The following NADK2 variants were observed in gnomAD, a reference collection of about 807,000 sequenced individuals.
NADK2 encodes the protein NAD kinase 2, mitochondrial, also known as NAD kinase domain-containing protein 1, mitochondrial.
A neutral mutation model predicts 62.1 loss-of-function variants in NADK2; 35 were observed. The ratio of observed to expected loss-of-function variants is 0.56; its 90% CI spans 0.43 to 0.75. The LOEUF (loss-of-function observed/expected upper bound fraction) is 0.75. Among genes scored for constraint, NADK2 ranks in the 30% least tolerant of loss-of-function variants. NADK2 has a pLI of 0.00. For synonymous variants in NADK2, 205 were observed against 207.9 expected (o/e 0.99, Z 0.12); for missense variants, 439 against 561.3 (o/e 0.78, Z 2.20).
chr5:36,228,519 G>A (rs1012834745), intron 1 of NADK2, among the ~76,000 whole-genome samples: 1 of 151,696 alleles, frequency 6.6e-6, no homozygotes, highest in Non-Finnish European at 1.5e-5. Flanking sequence ...TCCTGCCTCC[G>A]TTTACCAAGT....
rs1307451732 is a variant in NADK2 at position 36,223,542 on chromosome 5, C to T, written c.560+2000G>A. Among the ~76,000 whole-genome samples the T allele has an allele frequency of 9.9e-5, 15 of 152,186 alleles. 1 individual carries two copies. In the East Asian group the frequency reaches 2.9e-3, roughly 29 times the overall value. The stretch of plus-strand genomic sequence containing the variant: ...AGAAATACAGACAAAGAAGTAGTCA[C>T]AGAGATAGGAAGAAAAAGGTATCAT... On this transcript the variant is annotated intron_variant, in intron 4 of 11. Coordinates refer to ENST00000381937, the MANE Select transcript of NADK2 (RefSeq NM_001085411.3).
intron 6 of NADK2, among the ~76,000 whole-genome samples, chr5:36,214,936 CTTTA>C (rs577776928): frequency 4.1e-4 from 62 of 152,264 alleles, no homozygotes; most frequent in South Asian, 1.5e-3. Context: ...TAAAACCAGT[CTTTA>C]TTTATATAGC....
At position 36,216,262 on chromosome 5, in the gene NADK2, C is replaced by G. The variant is rs75246176; in HGVS notation, c.781+1486G>C. Among the ~76,000 whole-genome samples, 1,834 of 151,964 alleles carry G rather than the reference C, an allele frequency of 0.012. 147 individuals carry two copies. In the East Asian group the frequency reaches 0.21, roughly 17 times the overall value. On this transcript the variant is annotated intron_variant, in intron 6 of 11. Transcript: ENST00000381937. ...TGAGAAACTTCTATTCAGAGACTTTCCCACTTTTTAATGAGATTATTTGTT... is the reference window on the plus strand; with the variant it reads ...TGAGAAACTTCTATTCAGAGACTTTGCCACTTTTTAATGAGATTATTTGTT...
At chr5:36,212,285 TGGATTTA>T (rs1746878781) in intron 6 of NADK2, 1 of 156,102 alleles carries the variant, frequency 6.4e-6, no homozygotes, top group Non-Finnish European at 1.4e-5. Context: ...AGAACTATTT[TGGATTTA>T]AGCAGCAAAT....
In NADK2 at chr5:36,241,306, T is replaced by C; in HGVS notation, c.300+193A>G. On this transcript the variant is annotated intron_variant, in intron 1 of 11. Transcript: ENST00000381937. The surrounding 1 kb of genome is among the most constrained non-coding windows in gnomAD (Gnocchi z 4.9). ...CTCCCCCTCTCCCCGGCCCTGCCTC[T>C]CCCTCGCACACACGCCCAAAGGCAA... The C allele has an allele frequency of 8.9e-7, 1 of 1,126,852 alleles. No homozygotes were observed. The highest frequency in any genetic ancestry group is 1.2e-6 in the Non-Finnish European group (1 of 864,598). 69.8% of individuals were successfully genotyped at this position (1,126,852 alleles called of 1,614,324 possible).
At position 36,194,385 on chromosome 5, in the gene NADK2, T is replaced by C. The variant is rs752897665; in HGVS notation, c.*759A>G. ...AATCCATGTTTGAGCATTTTAAAGATGGAAGAAACCTGTAAGACTCATATC... is the reference window on the plus strand; with the variant it reads ...AATCCATGTTTGAGCATTTTAAAGACGGAAGAAACCTGTAAGACTCATATC... On this transcript the variant is annotated 3_prime_UTR_variant, in exon 12 of 12. Coordinates refer to ENST00000381937, the MANE Select transcript of NADK2 (RefSeq NM_001085411.3). The C allele has an allele frequency of 6.6e-6, 1 of 152,168 alleles. No individual in the cohort carries two copies. The highest frequency in any genetic ancestry group is 6.5e-5 in the Admixed American group (1 of 15,274). The allele number at this position is 152,168 out of a possible 1,614,324, so 9.4% of individuals were successfully genotyped here. A position where few individuals can be genotyped will look rare whatever the true frequency, so the allele number is the denominator to read the frequency against.
At chr5:36,204,610 A>G (rs892299043) in intron 8 of NADK2, among the ~76,000 whole-genome samples, 36 of 152,138 alleles carry the variant, frequency 2.4e-4, no homozygotes, top group African/African-American at 8.7e-4. Context: ...ATAACATATT[A>G]AAGGATTAAG....
chr5:36,229,756 G>A (rs1199913650), intron 1 of NADK2, among the ~76,000 whole-genome samples: 2 of 150,432 alleles, frequency 1.3e-5, no homozygotes, highest in African/African-American at 4.9e-5. Flanking sequence ...TATCTAACAG[G>A]CACCTCAAAT....
chr5:36,235,327 A>G (rs562139195), intron 1 of NADK2, among the ~76,000 whole-genome samples: 6 of 152,342 alleles, frequency 3.9e-5, no homozygotes, highest in African/African-American at 1.4e-4. Context: ...TTTCAGGTAC[A>G]TAATTTAAAT....
intron 8 of NADK2, among the ~76,000 whole-genome samples, chr5:36,206,018 T>C (rs1302507348): frequency 6.6e-6 from 1 of 152,028 alleles, no homozygotes; most frequent in African/African-American, 2.4e-5. Flanking sequence ...CTGGAAACCA[T>C]CATTCTCAGC....
At chr5:36,208,641 G>T (rs893589401) in intron 7 of NADK2, 3 of 1,532,582 alleles carry the variant, frequency 2.0e-6, no homozygotes, top group African/African-American at 2.7e-5. Flanking sequence ...TTTAGAGTGG[G>T]TATACTTCTT....
intron 6 of NADK2, among the ~76,000 whole-genome samples, chr5:36,214,359 TA>T (rs1327341787): frequency 1.3e-5 from 2 of 152,156 alleles, no homozygotes; most frequent in Non-Finnish European, 1.5e-5. Context: ...TTTGTATTTT[TA>T]GTAGAGACGA....
At chr5:36,232,257 A>T (rs1312518229) in intron 1 of NADK2, among the ~76,000 whole-genome samples, 1 of 152,206 alleles carries the variant, frequency 6.6e-6, no homozygotes, top group Admixed American at 6.5e-5. Context: ...AATTTATTGC[A>T]ATTACAAATT....
Position 36,195,293 on chromosome 5 carries a change from G to A in NADK2, c.1191-11C>T. ...GAACGAACACAAACCCTAGGCAGAA[G>A]GAAATATCTCATTAAATAGTAATAG... On this transcript the variant is annotated splice_polypyrimidine_tract_variant and intron_variant, in intron 11 of 11. Transcript: ENST00000381937. 1 of 1,592,642 alleles carries A rather than the reference G, an allele frequency of 6.3e-7. No individual in the cohort carries two copies.
Position 36,205,130 on chromosome 5 carries a change from A to G in NADK2, c.956+2040T>C, listed in dbSNP as rs1211512261. On this transcript the variant is annotated intron_variant, in intron 8 of 11. Transcript: ENST00000381937. The surrounding 1 kb of genome is among the most constrained non-coding windows in gnomAD (Gnocchi z 4.1). Reference sequence around the variant, plus strand: ...CTGTGCATAAAAAGATTAAGCAGGAAAAAAAAACCCCTCTAGTCGCCATCC... The same window carrying G: ...CTGTGCATAAAAAGATTAAGCAGGAGAAAAAAACCCCTCTAGTCGCCATCC... Among the ~76,000 whole-genome samples, 1 of 151,928 alleles carries G rather than the reference A, an allele frequency of 6.6e-6. No homozygotes were observed. Among genetic ancestry groups the G allele is most frequent in the Non-Finnish European group, 1.5e-5 (1 of 67,930 alleles).
At chr5:36,198,472 G>C (rs920804029) in intron 10 of NADK2, among the ~76,000 whole-genome samples, 1 of 151,550 alleles carries the variant, frequency 6.6e-6, no homozygotes, top group Non-Finnish European at 1.5e-5. Context: ...AACAGTGATT[G>C]CATCACTGGC....
At chr5:36,195,319 T>A in intron 11 of NADK2, 37 bp from the exon 12 acceptor site, 1 of 1,554,826 alleles carries the variant, frequency 6.4e-7, no homozygotes, top group Non-Finnish European at 8.7e-7. Context: ...ATAGTAATAG[T>A]TTTCTTAATA....
chr5:36,197,135 A>C (rs1254081640), intron 11 of NADK2, among the ~76,000 whole-genome samples: 7 of 152,058 alleles, frequency 4.6e-5, no homozygotes, highest in Admixed American at 4.6e-4. Flanking sequence ...AGAAGAAATG[A>C]ATACTATTCT....
intron 1 of NADK2, among the ~76,000 whole-genome samples, chr5:36,229,208 T>A (rs199904154): frequency 3.5e-3 from 6 of 1,732 alleles, no homozygotes; most frequent in Non-Finnish European, 0.034. Context: ...GTAATTTTCG[T>A]TATGTTCTCA....
Sources: gnomAD v4.1 joint callset for allele counts (sites outside exome capture counted in the v4.1 genomes callset) on GRCh38, gnomAD v4.1.1 for gene constraint, Gnocchi (gnomAD v3.1) non-coding constraint, MANE v1.5 for transcripts, NCBI Gene and HGNC (gene_info 2026-07-23, HGNC 2026-07-21) for gene names.